The following TMPRSS11F variants were observed in gnomAD, a reference collection of about 807,000 sequenced individuals.
TMPRSS11F encodes the protein transmembrane serine protease 11F.
Under a neutral mutation model 60.2 loss-of-function variants are expected in TMPRSS11F, and 47 were observed. The ratio of observed to expected loss-of-function variants is 0.78; its 90% CI spans 0.62 to 1.00. TMPRSS11F has a LOEUF of 1.00. Among genes scored for constraint, TMPRSS11F ranks in the 50% least tolerant of loss-of-function variants. The probability of loss-of-function intolerance (pLI) is 0.00; values close to 1 mark genes in which losing one functional copy is unlikely to be tolerated. For synonymous variants in TMPRSS11F, 166 were observed against 167.3 expected (o/e 0.99, Z 0.06); for missense variants, 519 against 522.9 (o/e 0.99, Z 0.07).
intron 3 of TMPRSS11F, among the ~76,000 whole-genome samples, chr4:68,083,202 A>G (rs1445575917): frequency 6.6e-6 from 1 of 152,172 alleles, no homozygotes; most frequent in Non-Finnish European, 1.5e-5. Flanking sequence ...AAGCTTCCAC[A>G]ACATTGCAGG....
At chr4:68,056,686 T>G (rs1471808618) in intron 9 of TMPRSS11F, among the ~76,000 whole-genome samples, 1 of 150,546 alleles carries the variant, frequency 6.6e-6, no homozygotes, top group Non-Finnish European at 1.5e-5. Context: ...AAGAAAACAA[T>G]CCTTAAATCC....
At chr4:68,110,565 A>G (rs1724392122) in intron 1 of TMPRSS11F, among the ~76,000 whole-genome samples, 1 of 152,032 alleles carries the variant, frequency 6.6e-6, no homozygotes, top group South Asian at 2.1e-4. Context: ...TTAAGTTCCA[A>G]CTCTGACATT....
At chr4:68,124,945 ATTTT>A (rs370189875) in intron 1 of TMPRSS11F, among the ~76,000 whole-genome samples, 3 of 94,100 alleles carry the variant, frequency 3.2e-5, no homozygotes, top group Non-Finnish European at 6.1e-5. Context: ...CTAAACCAGC[ATTTT>A]TTTTTTTTTT....
At chr4:68,127,376 C>A (rs1297855809) in intron 1 of TMPRSS11F, among the ~76,000 whole-genome samples, 1 of 152,104 alleles carries the variant, frequency 6.6e-6, no homozygotes, top group Admixed American at 6.6e-5. Context: ...TCACAACGTG[C>A]CATCAGAATG....
At chr4:68,105,053 T>TG (rs1394937443) in intron 1 of TMPRSS11F, among the ~76,000 whole-genome samples, 1 of 31,156 alleles carries the variant, frequency 3.2e-5, no homozygotes, top group African/African-American at 6.0e-5. Context: ...CTCTAGGTTT[T>TG]TTTTTTTTTT....
chr4:68,111,166 T>A (rs112928471), intron 1 of TMPRSS11F, among the ~76,000 whole-genome samples: 2 of 152,320 alleles, frequency 1.3e-5, no homozygotes, highest in African/African-American at 4.8e-5. Flanking sequence ...CTTTTTTATA[T>A]GACTTGTCTA....
chr4:68,095,721 C>T (rs1353955401), intron 2 of TMPRSS11F, among the ~76,000 whole-genome samples: 1 of 151,952 alleles, frequency 6.6e-6, no homozygotes, highest in East Asian at 1.9e-4. Context: ...CATGGTGAAA[C>T]CCCATCTCTA....
intron 1 of TMPRSS11F, among the ~76,000 whole-genome samples, chr4:68,121,065 G>A (rs1003615709): frequency 1.3e-5 from 2 of 152,090 alleles, no homozygotes; most frequent in African/African-American, 4.8e-5. Flanking sequence ...ATATCTTCAG[G>A]GTGTGCATGT....
At chr4:68,069,042 C>G (rs974051844) in intron 6 of TMPRSS11F, among the ~76,000 whole-genome samples, 1 of 152,172 alleles carries the variant, frequency 6.6e-6, no homozygotes, top group Non-Finnish European at 1.5e-5. Context: ...TAACTTCTAT[C>G]TCTCCTTATA....
chr4:68,091,350 C>A (rs1373012600), intron 2 of TMPRSS11F, among the ~76,000 whole-genome samples: 1 of 152,010 alleles, frequency 6.6e-6, no homozygotes, highest in African/African-American at 2.4e-5. Context: ...TATTTCCACC[C>A]TTCTCCTTGG....
chr4:68,121,731 G>A (rs1254683041), intron 1 of TMPRSS11F, among the ~76,000 whole-genome samples: 1 of 152,144 alleles, frequency 6.6e-6, no homozygotes, highest in Non-Finnish European at 1.5e-5. Context: ...AGGGGGAGGA[G>A]CTATGATGAA....
At chr4:68,128,930 C>T (rs1724765065) in intron 1 of TMPRSS11F, among the ~76,000 whole-genome samples, 1 of 152,004 alleles carries the variant, frequency 6.6e-6, no homozygotes, top group Admixed American at 6.6e-5. Flanking sequence ...AGTGCCAGAG[C>T]CTACAGGCTT....
chr4:68,107,117 C>G (rs79149170), intron 1 of TMPRSS11F, among the ~76,000 whole-genome samples: 2,377 of 152,260 alleles, frequency 0.016, 61 homozygotes, highest in African/African-American at 0.054. Context: ...CATTTTCCAC[C>G]TCAAGAAGAC....
chr4:68,062,416 A>G, intron 8 of TMPRSS11F: 1 of 596,708 alleles, frequency 1.7e-6, no homozygotes, highest in South Asian at 1.4e-5. Flanking sequence ...TAGAACTTAA[A>G]GCATTTTGGT....
chr4:68,089,014 G>C (rs1242548983), intron 3 of TMPRSS11F, among the ~76,000 whole-genome samples: 4 of 151,184 alleles, frequency 2.6e-5, no homozygotes, highest in Non-Finnish European at 5.9e-5. Flanking sequence ...TTCTATCAAA[G>C]TACCAAGATC....
At chr4:68,103,015 G>A (rs1724224052) in intron 1 of TMPRSS11F, among the ~76,000 whole-genome samples, 1 of 149,798 alleles carries the variant, frequency 6.7e-6, no homozygotes, top group Non-Finnish European at 1.5e-5. Context: ...TGTAAGGTAG[G>A]TTTTAATTGC....
intron 3 of TMPRSS11F, among the ~76,000 whole-genome samples, chr4:68,083,966 C>G (rs1196742347): frequency 6.6e-6 from 1 of 152,006 alleles, no homozygotes; most frequent in Non-Finnish European, 1.5e-5. Flanking sequence ...ATGACATAGC[C>G]ACTTTAAGAA....
chr4:68,055,487 C>T (rs772789130), intron 9 of TMPRSS11F, among the ~76,000 whole-genome samples: 1 of 152,056 alleles, frequency 6.6e-6, no homozygotes, highest in Non-Finnish European at 1.5e-5. Flanking sequence ...GGTAAAACAA[C>T]CTATTAAGAC....
intron 8 of TMPRSS11F, among the ~76,000 whole-genome samples, chr4:68,060,554 CTAG>C (rs1351224640): frequency 8.1e-6 from 1 of 123,058 alleles, no homozygotes; most frequent in African/African-American, 3.0e-5. Context: ...TATATTAACA[CTAG>C]TTTTTTTTTC....
Sources: allele counts gnomAD v4.1 joint callset (sites outside exome capture counted in the v4.1 genomes callset), GRCh38; gene constraint gnomAD v4.1.1; transcripts MANE v1.5; gene names NCBI Gene and HGNC (gene_info 2026-07-23, HGNC 2026-07-21).